Variants in ATP8A1 observed in about 807,000 individuals in gnomAD.
The protein encoded by ATP8A1 is ATPase phospholipid transporting 8A1, also known as phospholipid-transporting ATPase IA.
In ATP8A1, 90 loss-of-function variants were observed where a neutral mutation model predicts 177.7. That is an observed-to-expected ratio of 0.51 (90% CI 0.43 to 0.60). The LOEUF (loss-of-function observed/expected upper bound fraction) is 0.60. ATP8A1 is among the 20% of genes least tolerant of loss of function. ATP8A1 has a pLI of 0.00. For missense variants in ATP8A1, 1,072 were observed against 1,392.8 expected, an observed-to-expected ratio of 0.77 and a Z score of 3.67; for synonymous variants, 493 against 485.9, an observed-to-expected ratio of 1.01 and a Z score of -0.19.
chr4:42,610,285 G>A (rs1736239778), intron 5 of ATP8A1, among the ~76,000 whole-genome samples: 1 of 151,830 alleles, frequency 6.6e-6, no homozygotes, highest in South Asian at 2.1e-4. Context: ...ACACAAGAAA[G>A]ATGTTCAATA....
At chr4:42,581,335 G>A (rs565826455) in intron 10 of ATP8A1, among the ~76,000 whole-genome samples, 7 of 152,190 alleles carry the variant, frequency 4.6e-5, no homozygotes, top group Admixed American at 1.3e-4. Context: ...GGCTTTCACC[G>A]TGTTAGCCAG....
intron 33 of ATP8A1, among the ~76,000 whole-genome samples, chr4:42,427,435 GAGAAC>G (rs1207141204): frequency 2.6e-5 from 4 of 152,244 alleles, no homozygotes; most frequent in African/African-American, 9.6e-5. Context: ...TGCAGTCTTA[GAGAAC>G]ACTGACAAAT....
At chr4:42,516,901 T>C (rs985227846) in intron 22 of ATP8A1, among the ~76,000 whole-genome samples, 18 of 152,180 alleles carry the variant, frequency 1.2e-4, no homozygotes, top group African/African-American at 3.9e-4. Context: ...AAGTGACAGA[T>C]CAAAGGTGAG....
chr4:42,472,739 G>A (rs1379531500), intron 25 of ATP8A1, among the ~76,000 whole-genome samples: 6 of 116,360 alleles, frequency 5.2e-5, no homozygotes, highest in Non-Finnish European at 8.5e-5. Flanking sequence ...GACAGTGCGA[G>A]ACTGTCTCAA....
chr4:42,501,142 TGAA>T (rs1279323882), intron 24 of ATP8A1, among the ~76,000 whole-genome samples: 12 of 152,194 alleles, frequency 7.9e-5, no homozygotes, highest in African/African-American at 2.9e-4. Context: ...ATCACTTATG[TGAA>T]AGAGAACCTA....
intron 1 of ATP8A1, among the ~76,000 whole-genome samples, chr4:42,649,709 A>T (rs1158080404): frequency 1.3e-5 from 2 of 152,176 alleles, no homozygotes; most frequent in Admixed American, 6.5e-5. Flanking sequence ...ACAGCAGCGA[A>T]CAAATCTCAC....
At chr4:42,442,579 G>T (rs894621269) in intron 33 of ATP8A1, among the ~76,000 whole-genome samples, 1 of 152,176 alleles carries the variant, frequency 6.6e-6, no homozygotes, top group African/African-American at 2.4e-5. Flanking sequence ...TGGTTTTGCT[G>T]TAATAGTATA....
At chr4:42,632,878 G>C (rs1228892664) in intron 1 of ATP8A1, among the ~76,000 whole-genome samples, 2 of 152,204 alleles carry the variant, frequency 1.3e-5, no homozygotes, top group African/African-American at 4.8e-5. Context: ...AAATGGGGAA[G>C]CCAGGCTAGG....
At chr4:42,433,510 G>C (rs2153171434) in intron 33 of ATP8A1, among the ~76,000 whole-genome samples, 1 of 152,242 alleles carries the variant, frequency 6.6e-6, no homozygotes, top group South Asian at 2.1e-4. Flanking sequence ...CACGAAACTA[G>C]ACAGGGCAGA....
At chr4:42,609,442 C>A (rs1340504637) in intron 5 of ATP8A1, among the ~76,000 whole-genome samples, 1 of 152,218 alleles carries the variant, frequency 6.6e-6, no homozygotes, top group Non-Finnish European at 1.5e-5. Flanking sequence ...ATGAGTCCCT[C>A]ACTTTTTCCT....
intron 6 of ATP8A1, among the ~76,000 whole-genome samples, chr4:42,592,085 T>C (rs1734237083): frequency 6.6e-6 from 1 of 152,242 alleles, no homozygotes; most frequent in Non-Finnish European, 1.5e-5. Flanking sequence ...CTAAAACCCT[T>C]TGAGGAAAAA....
chr4:42,413,566 T>C lies in ATP8A1; in HGVS notation c.3398-553A>G, dbSNP rs547663558. Among the ~76,000 whole-genome samples, 3 of 152,342 alleles carry C rather than the reference T, an allele frequency of 2.0e-5. No individual in the cohort carries two copies. In the South Asian group the frequency reaches 6.2e-4, roughly 32 times the overall value. On this transcript the variant is annotated intron_variant, in intron 36 of 36. Transcript: ENST00000381668. ...AATGGCACAGTATTTGCATATAACC[T>C]ACACACATTCTCTCGTAGACTTAAA...
intron 6 of ATP8A1, among the ~76,000 whole-genome samples, chr4:42,597,150 A>G (rs761195569): frequency 6.6e-6 from 1 of 152,326 alleles, no homozygotes; most frequent in East Asian, 1.9e-4. Flanking sequence ...ATCATTAAAG[A>G]GCAACCACAG....
At chr4:42,619,609 T>TAC (rs1347221149) in intron 4 of ATP8A1, among the ~76,000 whole-genome samples, 8 of 137,156 alleles carry the variant, frequency 5.8e-5, no homozygotes, top group Admixed American at 2.2e-4. Context: ...TCTATCTATC[T>TAC]ACACATATAT....
chr4:42,474,529 G>C (rs986264202), intron 25 of ATP8A1, among the ~76,000 whole-genome samples: 1 of 152,168 alleles, frequency 6.6e-6, no homozygotes, highest in Admixed American at 6.5e-5. Flanking sequence ...GAATTCCTAC[G>C]CATGCCTTGG....
At chr4:42,571,419 C>T (rs927263727) in intron 14 of ATP8A1, among the ~76,000 whole-genome samples, 2 of 151,574 alleles carry the variant, frequency 1.3e-5, no homozygotes, top group African/African-American at 4.8e-5. Context: ...TTTTTATAGA[C>T]TGTATCTTGT....
intron 5 of ATP8A1, among the ~76,000 whole-genome samples, chr4:42,610,905 C>G (rs1281877821): frequency 6.6e-6 from 1 of 152,102 alleles, no homozygotes; most frequent in Non-Finnish European, 1.5e-5. Context: ...GTGGGGGTAC[C>G]TCCAGAGAGA....
At chr4:42,486,920 T>C (rs1045307853) in intron 24 of ATP8A1, among the ~76,000 whole-genome samples, 2 of 152,194 alleles carry the variant, frequency 1.3e-5, no homozygotes, top group African/African-American at 4.8e-5. Context: ...ATGATGTTCA[T>C]ACAATGACAA....
intron 33 of ATP8A1, among the ~76,000 whole-genome samples, chr4:42,441,663 C>A (rs964040890): frequency 8.5e-5 from 13 of 152,114 alleles, no homozygotes; most frequent in African/African-American, 2.7e-4. Context: ...ACACCCACAT[C>A]CCACCACACC....
Sources: allele counts gnomAD v4.1 joint callset (sites outside exome capture counted in the v4.1 genomes callset), GRCh38; gene constraint gnomAD v4.1.1; transcripts MANE v1.5; gene names NCBI Gene and HGNC (gene_info 2026-07-23, HGNC 2026-07-21).